KCNK13: variants seen among roughly 807,000 people sequenced by gnomAD.
KCNK13 encodes the protein potassium two pore domain channel subfamily K member 13.
Under a neutral mutation model 23.4 loss-of-function variants are expected in KCNK13, and 12 were observed. The ratio of observed to expected loss-of-function variants is 0.51; its 90% CI spans 0.33 to 0.83. The LOEUF is 0.83. Among genes scored for constraint, KCNK13 ranks in the 40% least tolerant of loss-of-function variants. The pLI is 0.02. For synonymous variants in KCNK13, 231 were observed against 229.5 expected (o/e 1.01, Z -0.06); for missense variants, 463 against 556.3 (o/e 0.83, Z 1.69).
At chr14:90,180,718 G>C (rs1890475175) in intron 1 of KCNK13, among the ~76,000 whole-genome samples, 1 of 152,186 alleles carries the variant, frequency 6.6e-6, no homozygotes, top group Non-Finnish European at 1.5e-5. Flanking sequence ...GGAAAAATCA[G>C]CTCATCAAGT....
chr14:90,132,082 G>A (rs989677093), intron 1 of KCNK13, among the ~76,000 whole-genome samples: 6 of 152,192 alleles, frequency 3.9e-5, no homozygotes, highest in African/African-American at 1.4e-4. Flanking sequence ...TACATACAAT[G>A]GAATATCATT....
chr14:90,104,991 T>C (rs1889527781), intron 1 of KCNK13, among the ~76,000 whole-genome samples: 1 of 151,858 alleles, frequency 6.6e-6, no homozygotes. Flanking sequence ...GGTTTCACCA[T>C]GTTGGCCAGG....
chr14:90,148,672 G>A (rs566421065), intron 1 of KCNK13, among the ~76,000 whole-genome samples: 7 of 152,370 alleles, frequency 4.6e-5, no homozygotes, highest in Admixed American at 3.3e-4. Flanking sequence ...AGGTGGCGGG[G>A]AAAGTTCAGA....
chr14:90,168,193 G>T lies in KCNK13; in HGVS notation c.335-15918G>T, dbSNP rs555168155. Among the ~76,000 whole-genome samples, 7 of 152,144 alleles carry T rather than the reference G, an allele frequency of 4.6e-5. No homozygotes were observed. The South Asian group carries it at 1.5e-3, about 32-fold the overall frequency. Reference sequence around the variant, plus strand: ...AGTCGAAGCCAGCCTGGACAACATGGCAAGACCCCATCTCTATAAAAGATA... The same window carrying T: ...AGTCGAAGCCAGCCTGGACAACATGTCAAGACCCCATCTCTATAAAAGATA... On this transcript the variant is annotated intron_variant, in intron 1 of 1. Coordinates refer to ENST00000282146, the MANE Select transcript of KCNK13 (RefSeq NM_022054.4).
At chr14:90,134,814 T>C (rs1463481110) in intron 1 of KCNK13, among the ~76,000 whole-genome samples, 2 of 152,240 alleles carry the variant, frequency 1.3e-5, no homozygotes, top group Admixed American at 6.5e-5. Flanking sequence ...ACAATGAAGA[T>C]ATATTATGGT....
chr14:90,064,373 G>A (rs896866614), intron 1 of KCNK13, among the ~76,000 whole-genome samples: 5 of 149,782 alleles, frequency 3.3e-5, no homozygotes, highest in Admixed American at 3.3e-4. Context: ...AGCAGAGTGT[G>A]TGTGTGGACA....
At chr14:90,145,062 G>A (rs1379070747) in intron 1 of KCNK13, among the ~76,000 whole-genome samples, 1 of 151,922 alleles carries the variant, frequency 6.6e-6, no homozygotes, top group African/African-American at 2.4e-5. Context: ...GATTACATGG[G>A]GTTTTTTTTT....
chr14:90,125,414 G>A (rs796067986), intron 1 of KCNK13, among the ~76,000 whole-genome samples: 19 of 151,806 alleles, frequency 1.3e-4, no homozygotes, highest in Middle Eastern at 3.4e-3. Context: ...TAGTAGAGAC[G>A]GGGTTTCACC....
chr14:90,132,217 T>C (rs1187585580), intron 1 of KCNK13, among the ~76,000 whole-genome samples: 2 of 152,040 alleles, frequency 1.3e-5, no homozygotes, highest in Non-Finnish European at 2.9e-5. Context: ...ATTGATACGA[T>C]GTAACAAGAG....
At chr14:90,146,449 G>A (rs1890074494) in intron 1 of KCNK13, among the ~76,000 whole-genome samples, 1 of 152,050 alleles carries the variant, frequency 6.6e-6, no homozygotes, top group Non-Finnish European at 1.5e-5. Context: ...CCAAGTAGCT[G>A]GGATTACAGG....
chr14:90,153,464 C>G (rs1017696274), intron 1 of KCNK13, among the ~76,000 whole-genome samples: 1 of 152,180 alleles, frequency 6.6e-6, no homozygotes, highest in Non-Finnish European at 1.5e-5. Flanking sequence ...GAGCCTGGAA[C>G]CCGGTACATG....
chr14:90,088,401 C>T (rs1240694341), intron 1 of KCNK13, among the ~76,000 whole-genome samples: 1 of 152,178 alleles, frequency 6.6e-6, no homozygotes, highest in Non-Finnish European at 1.5e-5. Context: ...AATATTCCCA[C>T]AATGGCTGGT....
At chr14:90,138,332 A>G (rs1028365160) in intron 1 of KCNK13, among the ~76,000 whole-genome samples, 5 of 152,354 alleles carry the variant, frequency 3.3e-5, no homozygotes, top group Admixed American at 6.5e-5. Context: ...CTTTCTGTCC[A>G]TGACTGAAAC....
chr14:90,071,064 C>T (rs1357704720), intron 1 of KCNK13, among the ~76,000 whole-genome samples: 1 of 152,218 alleles, frequency 6.6e-6, no homozygotes, highest in Non-Finnish European at 1.5e-5. Flanking sequence ...CATATATGCT[C>T]ATCTTAGCCC....
At chr14:90,136,745 G>A (rs906119984) in intron 1 of KCNK13, among the ~76,000 whole-genome samples, 1 of 152,130 alleles carries the variant, frequency 6.6e-6, no homozygotes, top group Admixed American at 6.5e-5. Context: ...CCAGGACCCA[G>A]GGAATGGAGA....
chr14:90,174,234 T>C (rs1008136858), intron 1 of KCNK13, among the ~76,000 whole-genome samples: 2 of 151,980 alleles, frequency 1.3e-5, no homozygotes, highest in Non-Finnish European at 2.9e-5. Context: ...GGCGTGAACC[T>C]GGGAGGTGGA....
At chr14:90,166,089 C>T (rs1890299480) in intron 1 of KCNK13, among the ~76,000 whole-genome samples, 2 of 152,188 alleles carry the variant, frequency 1.3e-5, no homozygotes, top group African/African-American at 2.4e-5. Context: ...CACTTATAAA[C>T]TACTTGTTGC....
At chr14:90,094,945 C>T (rs1457982808) in intron 1 of KCNK13, among the ~76,000 whole-genome samples, 1 of 152,064 alleles carries the variant, frequency 6.6e-6, no homozygotes, top group Non-Finnish European at 1.5e-5. Flanking sequence ...CCATGCCCAG[C>T]CTATCAGGGA....
chr14:90,062,044 G>T lies in KCNK13; in HGVS notation c.-162G>T, dbSNP rs1202292228. 2.3e-6 allele frequency: 1 copy of T among 425,976 alleles called. No homozygotes were observed. The highest frequency in any genetic ancestry group is 4.0e-6 in the Non-Finnish European group (1 of 251,862). The allele number at this position is 425,976 out of a possible 1,614,324, so 26.4% of individuals were successfully genotyped here. Reference sequence around the variant, plus strand: ...GGAGCTACCGAGGCGGCGGCCGGGGGAGCCTCGCGGCCTGCGGGAGAGCCC... The same window carrying T: ...GGAGCTACCGAGGCGGCGGCCGGGGTAGCCTCGCGGCCTGCGGGAGAGCCC... On this transcript the variant is annotated 5_prime_UTR_variant, in exon 1 of 2. Transcript: ENST00000282146. This position sits in a 1 kb window ranked among gnomAD's most constrained non-coding sequence, Gnocchi z 4.5.
Sources: allele counts gnomAD v4.1 joint callset (sites outside exome capture counted in the v4.1 genomes callset), GRCh38; gene constraint gnomAD v4.1.1; non-coding constraint Gnocchi (gnomAD v3.1); transcripts MANE v1.5; gene names NCBI Gene and HGNC (gene_info 2026-07-23, HGNC 2026-07-21).